Variants in HEMK2 observed in about 807,000 individuals in gnomAD.
The protein encoded by HEMK2 is methyltransferase HEMK2.
At chr21:28,688,807 A>G in the HEMK2 span, among the ~76,000 whole-genome samples, 2 of 152,176 alleles carry the variant, frequency 1.3e-5, no homozygotes, top group African/African-American at 4.8e-5. Context: ...AACAAATACA[A>G]TGAAAATATA....
the HEMK2 span, among the ~76,000 whole-genome samples, chr21:28,808,071 C>T: frequency 6.6e-6 from 1 of 151,956 alleles, no homozygotes; most frequent in Non-Finnish European, 1.5e-5. Context: ...CAAGATTGCC[C>T]CCAAGATGAA....
chr21:28,869,671 C>T, the HEMK2 span, among the ~76,000 whole-genome samples: 1 of 152,182 alleles, frequency 6.6e-6, no homozygotes. Context: ...TACAGGCTGA[C>T]TGTGATGGTG....
At chr21:28,825,347 G>C in the HEMK2 span, among the ~76,000 whole-genome samples, 4 of 152,190 alleles carry the variant, frequency 2.6e-5, no homozygotes, top group African/African-American at 9.7e-5. Context: ...GTTGGTCCCA[G>C]GATCACGCCT....
the HEMK2 span, chr21:28,876,325 T>C: frequency 8.4e-7 from 1 of 1,190,338 alleles, no homozygotes; most frequent in Non-Finnish European, 1.2e-6. Flanking sequence ...ATGAATGACT[T>C]CAGTTTCAAA....
At chr21:28,712,063 G>T in the HEMK2 span, among the ~76,000 whole-genome samples, 15 of 152,090 alleles carry the variant, frequency 9.9e-5, no homozygotes, top group Admixed American at 6.6e-5. Flanking sequence ...TTCAACACAG[G>T]AATATTGGAA....
the HEMK2 span, among the ~76,000 whole-genome samples, chr21:28,868,163 TTAA>T: frequency 9.8e-5 from 15 of 152,310 alleles, no homozygotes; most frequent in South Asian, 2.1e-4. Flanking sequence ...TTACTGTTGT[TTAA>T]TAATAAGTAT....
the HEMK2 span, among the ~76,000 whole-genome samples, chr21:28,817,493 G>C: frequency 6.6e-6 from 1 of 152,216 alleles, no homozygotes; most frequent in East Asian, 1.9e-4. Flanking sequence ...TGTAGGGTTG[G>C]GCAAAGAGGA....
At chr21:28,729,633 CA>C in the HEMK2 span, among the ~76,000 whole-genome samples, 203 of 118,948 alleles carry the variant, frequency 1.7e-3, no homozygotes, top group Non-Finnish European at 1.8e-3. Flanking sequence ...TGCTGATAAG[CA>C]AAAAAAAAAA....
chr21:28,753,955 G>T, the HEMK2 span, among the ~76,000 whole-genome samples: 1 of 152,138 alleles, frequency 6.6e-6, no homozygotes, highest in South Asian at 2.1e-4. Flanking sequence ...ATAAAATAAT[G>T]CTCTCTTTTC....
chr21:28,609,337 C>T, the HEMK2 span, among the ~76,000 whole-genome samples: 1 of 152,042 alleles, frequency 6.6e-6, no homozygotes. Context: ...AAGCCCACCC[C>T]TAGGGGAAAG....
At chr21:28,680,493 T>C in the HEMK2 span, among the ~76,000 whole-genome samples, 9 of 152,288 alleles carry the variant, frequency 5.9e-5, no homozygotes, top group South Asian at 1.7e-3. Flanking sequence ...CTGGTACCAT[T>C]CCTTCTGAAA....
chr21:28,692,045 TTTAG>T, the HEMK2 span, among the ~76,000 whole-genome samples: 2 of 152,156 alleles, frequency 1.3e-5, no homozygotes, highest in South Asian at 2.1e-4. Flanking sequence ...TCCCAAGTGG[TTTAG>T]TTAAAGAATA....
At chr21:28,879,073 ATTGT>A in the HEMK2 span, among the ~76,000 whole-genome samples, 14 of 131,124 alleles carry the variant, frequency 1.1e-4, no homozygotes, top group South Asian at 2.3e-4. Flanking sequence ...ATCATTGTAG[ATTGT>A]TTCTTTTTTT....
the HEMK2 span, among the ~76,000 whole-genome samples, chr21:28,738,744 C>G: frequency 1.3e-5 from 2 of 152,206 alleles, no homozygotes; most frequent in Non-Finnish European, 2.9e-5. Context: ...CTCTAGTCCC[C>G]AACATTTTTG....
the HEMK2 span, among the ~76,000 whole-genome samples, chr21:28,773,624 G>A: frequency 1.3e-5 from 2 of 150,580 alleles, no homozygotes; most frequent in African/African-American, 2.4e-5. Context: ...TACACGATGT[G>A]CCACTGAGAT....
At chr21:28,712,174 C>T in the HEMK2 span, among the ~76,000 whole-genome samples, 1 of 152,258 alleles carries the variant, frequency 6.6e-6, no homozygotes, top group African/African-American at 2.4e-5. Context: ...TTGAGAGGTC[C>T]CAGCAGAAAG....
At chr21:28,688,258 T>A in the HEMK2 span, among the ~76,000 whole-genome samples, 1 of 152,364 alleles carries the variant, frequency 6.6e-6, no homozygotes, top group South Asian at 2.1e-4. Context: ...AGTGAAATTC[T>A]TCAAAATAAT....
the HEMK2 span, among the ~76,000 whole-genome samples, chr21:28,809,559 T>C: frequency 1.3e-5 from 2 of 152,278 alleles, no homozygotes; most frequent in African/African-American, 4.8e-5. Context: ...AAATAAATAA[T>C]TAATGTTCTT....
At chr21:28,734,946 C>G in the HEMK2 span, among the ~76,000 whole-genome samples, 1 of 152,162 alleles carries the variant, frequency 6.6e-6, no homozygotes, top group South Asian at 2.1e-4. Flanking sequence ...GTTCTATACT[C>G]GGCTGAACTC....
Sources: allele counts gnomAD v4.1 joint callset (sites outside exome capture counted in the v4.1 genomes callset), GRCh38; gene constraint gnomAD v4.1.1; transcripts MANE v1.5; gene names NCBI Gene and HGNC (gene_info 2026-07-23, HGNC 2026-07-21).